Variants in SLC66A2 observed in about 807,000 individuals in gnomAD.
The protein encoded by SLC66A2 is PQ loop repeat containing 1.
A neutral mutation model predicts 25.5 loss-of-function variants in SLC66A2; 23 were observed. That is an observed-to-expected ratio of 0.90 (90% CI 0.65 to 1.28). SLC66A2 has a LOEUF of 1.28. Among genes scored for constraint, SLC66A2 ranks in the 50% most tolerant of loss-of-function variants. SLC66A2 has a pLI of 0.00. For missense variants in SLC66A2, 396 were observed against 373.1 expected (o/e 1.06, Z -0.51); for synonymous variants, 193 against 166.5 (o/e 1.16, Z -1.23).
chr18:79,934,045 G>GA (rs779857008), intron 3 of SLC66A2, 23 bp from the exon 4 acceptor site: 1 of 1,603,732 alleles, frequency 6.2e-7, no homozygotes, highest in Non-Finnish European at 8.5e-7. Context: ...AAGGGAGACA[G>GA]AAACAGAAAG....
In SLC66A2 at chr18:79,902,690, T is replaced by A. The variant is rs1214785287; in HGVS notation, c.*1286A>T. 2.6e-5 allele frequency: 4 copies of A among 152,242 alleles called. No homozygotes were observed. Among genetic ancestry groups the A allele is most frequent in the Non-Finnish European group, 5.9e-5 (4 of 68,062 alleles). 9.4% of individuals were successfully genotyped at this position (152,242 alleles called of 1,614,324 possible). On this transcript the variant is annotated 3_prime_UTR_variant, in exon 6 of 6. Coordinates refer to ENST00000397778, the MANE Select transcript of SLC66A2 (RefSeq NM_025078.5). ...CATGGCCACGGCCCCGGCACAGAGC[T>A]CAGATGCCTGCGGGAAGCGGCCCCT...
intron 5 of SLC66A2, among the ~76,000 whole-genome samples, chr18:79,915,179 A>C (rs1011553689): frequency 6.6e-6 from 1 of 152,162 alleles, no homozygotes; most frequent in African/African-American, 2.4e-5. Flanking sequence ...CAAACGCCTT[A>C]TGTGTTCCAG....
At chr18:79,923,232 G>GC (rs1364355279) in intron 4 of SLC66A2, among the ~76,000 whole-genome samples, 10 of 126,212 alleles carry the variant, frequency 7.9e-5, no homozygotes, top group South Asian at 3.1e-4. Flanking sequence ...GGGGTGGATG[G>GC]GGGGGGGCCG....
intron 5 of SLC66A2, among the ~76,000 whole-genome samples, chr18:79,912,901 C>T (rs1250214149): frequency 1.3e-5 from 2 of 152,180 alleles, no homozygotes; most frequent in African/African-American, 4.8e-5. Context: ...GCCTGCTCTG[C>T]ATCAAAGGCA....
rs1245332451 is a variant in SLC66A2 at position 79,918,084 on chromosome 18, C to A, written c.608+1100G>T. On this transcript the variant is annotated intron_variant, in intron 5 of 5. Coordinates refer to ENST00000397778, the MANE Select transcript of SLC66A2 (RefSeq NM_025078.5). This position sits in a 1 kb window ranked among gnomAD's most constrained non-coding sequence, Gnocchi z 4.0. ...ACCACCACCCCACACCTACGACAAGCCCTCCTACCTTTACCTCTCACGGGC... is the reference window on the plus strand; with the variant it reads ...ACCACCACCCCACACCTACGACAAGACCTCCTACCTTTACCTCTCACGGGC... Among the ~76,000 whole-genome samples, 1 of 152,074 alleles carries A rather than the reference C, an allele frequency of 6.6e-6. No individual in the cohort carries two copies. Among genetic ancestry groups the A allele is most frequent in the African/African-American group, 2.4e-5 (1 of 41,378 alleles).
At position 79,927,191 on chromosome 18, in the gene SLC66A2, C is replaced by T. The variant is rs1470415350; in HGVS notation, c.391+6778G>A. Among the ~76,000 whole-genome samples the T allele has an allele frequency of 2.0e-5, 3 of 152,212 alleles. No individual in the cohort carries two copies. The highest frequency in any genetic ancestry group is 7.2e-5 in the African/African-American group (3 of 41,450). ...GAGCCTGTCCTTGGAAACGGCCCGGCCACCTGGGAGGGAACAAACAGGCAC... is the reference window on the plus strand; with the variant it reads ...GAGCCTGTCCTTGGAAACGGCCCGGTCACCTGGGAGGGAACAAACAGGCAC... On this transcript the variant is annotated intron_variant, in intron 4 of 5. Transcript: ENST00000397778. The surrounding 1 kb of genome is among the most constrained non-coding windows in gnomAD (Gnocchi z 6.2).
rs979177882 is a variant in SLC66A2 at position 79,902,569 on chromosome 18, A to T, written c.*1407T>A. 3.3e-5 allele frequency: 5 copies of T among 152,328 alleles called. No homozygotes were observed. Among genetic ancestry groups the T allele is most frequent in the Admixed American group, 3.3e-4 (5 of 15,290 alleles). The allele number at this position is 152,328 out of a possible 1,614,324, so 9.4% of individuals were successfully genotyped here. A position where few individuals can be genotyped will look rare whatever the true frequency, so the allele number is the denominator to read the frequency against. ...TTAAAAAAATAAAAATTTTCAAAGC[A>T]TCTCACAGGCCAAAGAGCTAAGCAG... On this transcript the variant is annotated 3_prime_UTR_variant, in exon 6 of 6. Transcript: ENST00000397778.
Position 79,904,207 on chromosome 18 carries a change from C to T in SLC66A2, c.609-24G>A, listed in dbSNP as rs1981668169. The T allele has an allele frequency of 5.6e-6, 9 of 1,609,716 alleles. No homozygotes were observed. In the East Asian group the frequency reaches 1.6e-4, roughly 28 times the overall value. On this transcript the variant is annotated intron_variant, in intron 5 of 5. Coordinates refer to ENST00000397778, the MANE Select transcript of SLC66A2 (RefSeq NM_025078.5). The surrounding 1 kb of genome is among the most constrained non-coding windows in gnomAD (Gnocchi z 6.3). ...TGCTGTGGAGACACAAGCAGGCGGT[C>T]AGCGGTGGGGAGGGCGGCGACCTGG...
At chr18:79,923,748 C>T (rs539090862) in intron 4 of SLC66A2, among the ~76,000 whole-genome samples, 69 of 152,302 alleles carry the variant, frequency 4.5e-4, no homozygotes, top group African/African-American at 1.5e-3. Flanking sequence ...AACCGGACTT[C>T]ATCGAAATCT....
intron 5 of SLC66A2, among the ~76,000 whole-genome samples, chr18:79,914,789 G>A (rs1983749295): frequency 6.6e-6 from 1 of 152,236 alleles, no homozygotes. Flanking sequence ...CGCGCAAGTG[G>A]AGCCGGCTCC....
rs955766680 is a variant in SLC66A2, at chr18:79,940,456, A to G, written c.337+2873T>C. On this transcript the variant is annotated intron_variant, in intron 3 of 5. Transcript: ENST00000397778. The surrounding 1 kb of genome is among the most constrained non-coding windows in gnomAD (Gnocchi z 4.1). The stretch of plus-strand genomic sequence containing the variant: ...CCCCCGTGACAAACAATTTACCTAT[A>G]TAACAAACCTGCACATGTACCTGAA... 1.3e-5 allele frequency among the ~76,000 whole-genome samples: 2 copies of G among 152,046 alleles called. No homozygotes were observed. Among genetic ancestry groups the G allele is most frequent in the African/African-American group, 2.4e-5 (1 of 41,392 alleles).
At chr18:79,911,981 G>C (rs1453792501) in intron 5 of SLC66A2, among the ~76,000 whole-genome samples, 1 of 134,616 alleles carries the variant, frequency 7.4e-6, no homozygotes, top group Non-Finnish European at 1.6e-5. Context: ...GAGCAGTGAG[G>C]AGACGGGAGC....
At chr18:79,929,373 C>T (rs1986328689) in intron 4 of SLC66A2, among the ~76,000 whole-genome samples, 1 of 152,182 alleles carries the variant, frequency 6.6e-6, no homozygotes, top group Admixed American at 6.5e-5. Flanking sequence ...AGAACCACCA[C>T]ATCTGAGGGA....
chr18:79,937,408 C>T lies in SLC66A2; in HGVS notation c.338-3386G>A, dbSNP rs902429519. ...CGTAATAATCCAGTAACACACCAAA[C>T]GTCCAACTCACATGTTCAGAATGAC... On this transcript the variant is annotated intron_variant, in intron 3 of 5. Coordinates refer to ENST00000397778, the MANE Select transcript of SLC66A2 (RefSeq NM_025078.5). The surrounding 1 kb of genome is among the most constrained non-coding windows in gnomAD (Gnocchi z 5.4). Among the ~76,000 whole-genome samples, 17 of 152,330 alleles carry T rather than the reference C, an allele frequency of 1.1e-4. No individual in the cohort carries two copies. Among genetic ancestry groups the T allele is most frequent in the Admixed American group, 3.3e-4 (5 of 15,300 alleles).
intron 5 of SLC66A2, among the ~76,000 whole-genome samples, chr18:79,914,976 G>A (rs1011167126): frequency 5.9e-5 from 9 of 152,226 alleles, no homozygotes; most frequent in African/African-American, 2.2e-4. Flanking sequence ...GGTGAAACGC[G>A]GCGTCAGAGC....
At chr18:79,946,145 T>C (rs563693447) in intron 2 of SLC66A2, among the ~76,000 whole-genome samples, 428 of 152,212 alleles carry the variant, frequency 2.8e-3, no homozygotes, top group African/African-American at 9.9e-3. Context: ...AAATCAAATC[T>C]AGAGAAACTC....
chr18:79,924,152 C>G (rs1450956936), intron 4 of SLC66A2, among the ~76,000 whole-genome samples: 1 of 152,116 alleles, frequency 6.6e-6, no homozygotes, highest in Admixed American at 6.6e-5. Context: ...AGAGGGACAG[C>G]AGGGTGAGAG....
chr18:79,907,358 T>G (rs1982282954), intron 5 of SLC66A2, among the ~76,000 whole-genome samples: 1 of 142,524 alleles, frequency 7.0e-6, no homozygotes, highest in Non-Finnish European at 1.5e-5. Context: ...TGGTTGTTTT[T>G]TTTTTTTTTT....
chr18:79,904,387 A>G lies in SLC66A2; in HGVS notation c.609-204T>C, dbSNP rs565582806. On this transcript the variant is annotated intron_variant, in intron 5 of 5. Coordinates refer to ENST00000397778, the MANE Select transcript of SLC66A2 (RefSeq NM_025078.5). This position sits in a 1 kb window ranked among gnomAD's most constrained non-coding sequence, Gnocchi z 6.3. ...GAGGGGACACCCAGTCTACAGGGTG[A>G]CCCAGGGGTCAGGGACACCCCAGGG... is the stretch of plus-strand genomic sequence containing the variant. 8.6e-5 allele frequency among the ~76,000 whole-genome samples: 13 copies of G among 151,618 alleles called. No individual in the cohort carries two copies. Among genetic ancestry groups the G allele is most frequent in the African/African-American group, 3.2e-4 (13 of 41,260 alleles).
Sources: allele counts gnomAD v4.1 joint callset (sites outside exome capture counted in the v4.1 genomes callset), GRCh38; gene constraint gnomAD v4.1.1; non-coding constraint Gnocchi (gnomAD v3.1); transcripts MANE v1.5; gene names NCBI Gene and HGNC (gene_info 2026-07-23, HGNC 2026-07-21).